CCSER1: variants seen among roughly 807,000 people sequenced by gnomAD.
CCSER1 encodes serine-rich coiled-coil domain-containing protein 1.
CCSER1 carries 41 observed loss-of-function variants against 82.0 expected under a neutral mutation model. The observed-to-expected ratio is 0.50, with a 90% CI of 0.39 to 0.65. The LOEUF (loss-of-function observed/expected upper bound fraction) is 0.65. CCSER1 is among the 30% of genes least tolerant of loss of function. The pLI, the probability that CCSER1 is intolerant of heterozygous loss-of-function variation, is 0.00. For synonymous variants in CCSER1, 414 were observed against 383.9 expected, an observed-to-expected ratio of 1.08 and a Z score of -0.92; for missense variants, 1,119 against 1,064.2, an observed-to-expected ratio of 1.05 and a Z score of -0.72.
At chr4:91,398,519 G>A (rs1451118444) in intron 10 of CCSER1, among the ~76,000 whole-genome samples, 1 of 151,862 alleles carries the variant, frequency 6.6e-6, no homozygotes, top group African/African-American at 2.4e-5. Flanking sequence ...ATAAAAAATA[G>A]ATGAGACAAA....
chr4:90,165,989 G>A (rs12645059), intron 1 of CCSER1, among the ~76,000 whole-genome samples: 28,491 of 151,820 alleles, frequency 0.19, 2,936 homozygotes, highest in East Asian at 0.4. Context: ...GAGTTCACAT[G>A]TATAACTCAT....
At chr4:90,591,438 T>G (rs1782680929) in intron 5 of CCSER1, among the ~76,000 whole-genome samples, 1 of 152,050 alleles carries the variant, frequency 6.6e-6, no homozygotes, top group South Asian at 2.1e-4. Context: ...GAAAAAAAGC[T>G]CACCATCACT....
intron 1 of CCSER1, among the ~76,000 whole-genome samples, chr4:90,291,958 C>T (rs576242380): frequency 1.2e-3 from 183 of 151,872 alleles, no homozygotes; most frequent in Non-Finnish European, 2.0e-3. Context: ...GTTCTAAAAC[C>T]TATATCCCTG....
intron 8 of CCSER1, among the ~76,000 whole-genome samples, chr4:90,818,607 G>T (rs723782): frequency 0.19 from 29,521 of 152,118 alleles, 3,548 homozygotes; most frequent in South Asian, 0.29. Context: ...TTAAATGCAA[G>T]TGTTTTAGTC....
At chr4:90,252,785 A>G (rs1440274598) in intron 1 of CCSER1, among the ~76,000 whole-genome samples, 3 of 151,870 alleles carry the variant, frequency 2.0e-5, no homozygotes, top group African/African-American at 7.2e-5. Flanking sequence ...ATATTTTTGT[A>G]TTATTTCATT....
At chr4:90,689,985 G>A (rs1190014450) in intron 6 of CCSER1, among the ~76,000 whole-genome samples, 1 of 152,082 alleles carries the variant, frequency 6.6e-6, no homozygotes, top group Non-Finnish European at 1.5e-5. Flanking sequence ...TGAAGGGTGA[G>A]TTCTAAAGGT....
chr4:90,277,722 A>G (rs565984073), intron 1 of CCSER1, among the ~76,000 whole-genome samples: 18 of 152,226 alleles, frequency 1.2e-4, no homozygotes, highest in Admixed American at 6.5e-5. Flanking sequence ...AAAATAAAAA[A>G]AAATCCTAGA....
chr4:91,325,342 A>G (rs1441221855), intron 10 of CCSER1: 7 of 368,950 alleles, frequency 1.9e-5, no homozygotes, highest in Non-Finnish European at 3.7e-5. Context: ...GACAGAAACT[A>G]TTGCCAATAT....
chr4:90,873,916 A>G (rs1229374456), intron 8 of CCSER1, among the ~76,000 whole-genome samples: 42 of 152,168 alleles, frequency 2.8e-4, no homozygotes, highest in Non-Finnish European at 3.5e-4. Context: ...AAAATGCATG[A>G]TTTAATAACT....
intron 5 of CCSER1, among the ~76,000 whole-genome samples, chr4:90,511,438 A>G (rs75341294): frequency 0.027 from 4,091 of 152,204 alleles, 189 homozygotes; most frequent in African/African-American, 0.093. Flanking sequence ...GAAGATAAAA[A>G]TCCTTGGTAA....
intron 10 of CCSER1, among the ~76,000 whole-genome samples, chr4:91,535,407 G>T (rs1761246276): frequency 6.6e-6 from 1 of 150,524 alleles, no homozygotes; most frequent in South Asian, 2.1e-4. Flanking sequence ...AAGAACTAGG[G>T]TTATTTTGGA....
At chr4:90,653,032 T>A (rs1729057679) in intron 6 of CCSER1, among the ~76,000 whole-genome samples, 1 of 151,432 alleles carries the variant, frequency 6.6e-6, no homozygotes, top group Admixed American at 6.6e-5. Flanking sequence ...AGCCTATGGC[T>A]CCCACAAATG....
chr4:91,155,874 G>T (rs1443596108), intron 10 of CCSER1, among the ~76,000 whole-genome samples: 2 of 151,742 alleles, frequency 1.3e-5, no homozygotes, highest in Non-Finnish European at 2.9e-5. Flanking sequence ...GACCATATTT[G>T]GTTAGAATCA....
intron 10 of CCSER1, among the ~76,000 whole-genome samples, chr4:91,298,603 A>G (rs895297238): frequency 4.3e-4 from 65 of 152,058 alleles, no homozygotes; most frequent in African/African-American, 1.5e-3. Flanking sequence ...GTGGGAATGG[A>G]GACTAACTAA....
intron 10 of CCSER1, among the ~76,000 whole-genome samples, chr4:91,565,042 G>C (rs936739617): frequency 5.0e-5 from 6 of 119,622 alleles, no homozygotes; most frequent in African/African-American, 2.2e-4. Context: ...GTGTGTGTGT[G>C]TGTGTGTGTG....
intron 8 of CCSER1, among the ~76,000 whole-genome samples, chr4:90,893,778 T>TGC (rs1561317698): frequency 1.7e-5 from 2 of 120,538 alleles, no homozygotes; most frequent in African/African-American, 3.2e-5. Flanking sequence ...TGTGTGTGCG[T>TGC]GTGTGTGTGT....
intron 10 of CCSER1, among the ~76,000 whole-genome samples, chr4:91,368,946 T>C (rs2149321435): frequency 6.6e-6 from 1 of 152,344 alleles, no homozygotes; most frequent in Admixed American, 6.5e-5. Flanking sequence ...GACATCTCAA[T>C]CCTGCTATGG....
At chr4:90,316,188 G>C (rs921698015) in intron 3 of CCSER1, among the ~76,000 whole-genome samples, 32 of 152,298 alleles carry the variant, frequency 2.1e-4, no homozygotes, top group African/African-American at 7.7e-4. Flanking sequence ...TTTTGCGAAA[G>C]AGGAAAATAA....
chr4:90,701,459 C>T (rs1325155509), intron 6 of CCSER1, among the ~76,000 whole-genome samples: 3 of 152,104 alleles, frequency 2.0e-5, no homozygotes, highest in Non-Finnish European at 4.4e-5. Context: ...ATTGTCTTGG[C>T]AATGTGGGCT....
Sources: allele counts gnomAD v4.1 joint callset (sites outside exome capture counted in the v4.1 genomes callset), GRCh38; gene constraint gnomAD v4.1.1; transcripts MANE v1.5; gene names NCBI Gene and HGNC (gene_info 2026-07-23, HGNC 2026-07-21).